SLC4A5: variants seen among roughly 807,000 people sequenced by gnomAD.
SLC4A5 encodes electrogenic sodium bicarbonate cotransporter 4.
Under a neutral mutation model 120.4 loss-of-function variants are expected in SLC4A5, and 96 were observed. The observed-to-expected ratio is 0.80, with a 90% CI of 0.68 to 0.94. The LOEUF is 0.94. SLC4A5 is among the 40% of genes least tolerant of loss of function. The pLI is 0.00. For missense variants in SLC4A5, 1,259 were observed against 1,459.5 expected (o/e 0.86, Z 2.24); for synonymous variants, 550 against 571.1 (o/e 0.96, Z 0.53).
At chr2:74,254,234 C>T (rs1398929101) in intron 14 of SLC4A5, among the ~76,000 whole-genome samples, 1 of 152,136 alleles carries the variant, frequency 6.6e-6, no homozygotes, top group Admixed American at 6.5e-5. Flanking sequence ...TACACTGAGC[C>T]TATATCAAAC....
intron 7 of SLC4A5, among the ~76,000 whole-genome samples, chr2:74,299,782 G>A (rs1672425263): frequency 6.6e-6 from 1 of 152,118 alleles, no homozygotes; most frequent in Non-Finnish European, 1.5e-5. Context: ...AATGTAAATT[G>A]GTACAGCCAT....
intron 6 of SLC4A5, among the ~76,000 whole-genome samples, chr2:74,313,970 T>C (rs890495813): frequency 3.3e-5 from 5 of 152,104 alleles, no homozygotes; most frequent in African/African-American, 7.2e-5. Flanking sequence ...GGTGAACTCA[T>C]CTGTAATGTG....
rs567658198 is a variant in SLC4A5, at chr2:74,221,062, C to G, written c.*33+372G>C. On this transcript the variant is annotated intron_variant, in intron 30 of 30. Transcript: ENST00000394019. Reference sequence around the variant, plus strand: ...GTTTCACCATGTTAGCCAGGATGGTCTCGATCTCCTGACCTCGTGATCCAC... The same window carrying G: ...GTTTCACCATGTTAGCCAGGATGGTGTCGATCTCCTGACCTCGTGATCCAC... 8.1e-4 allele frequency among the ~76,000 whole-genome samples: 123 copies of G among 152,020 alleles called. 1 individual carries two copies. The highest frequency in any genetic ancestry group is 1.0e-3 in the Non-Finnish European group (70 of 68,008).
At chr2:74,252,500 A>C in intron 15 of SLC4A5, 112 bp from the exon 16 acceptor site, 1 of 1,269,888 alleles carries the variant, frequency 7.9e-7, no homozygotes, top group Non-Finnish European at 1.1e-6. Flanking sequence ...AAATTGTCTA[A>C]CAATATCCAC....
intron 7 of SLC4A5, among the ~76,000 whole-genome samples, chr2:74,304,073 T>C (rs1046201581): frequency 5.9e-5 from 9 of 152,092 alleles, no homozygotes; most frequent in Admixed American, 6.5e-5. Context: ...ATGGTCTCGA[T>C]CTCCTGACCT....
At position 74,255,231 on chromosome 2, in the gene SLC4A5, C is replaced by A. The variant is rs958165830; in HGVS notation, c.1026-525G>T. On this transcript the variant is annotated intron_variant, in intron 13 of 30. Coordinates refer to ENST00000394019, the Ensembl canonical transcript of SLC4A5. The surrounding 1 kb of genome is among the most constrained non-coding windows in gnomAD (Gnocchi z 4.0). The stretch of plus-strand genomic sequence containing the variant: ...CTTGAGCATCCTCACCTTTGTCTTG[C>A]TGCCCAAGCTTACCTGACAACTTCT... Among the ~76,000 whole-genome samples the A allele has an allele frequency of 5.3e-5, 8 of 152,200 alleles. No homozygotes were observed. The highest frequency in any genetic ancestry group is 1.2e-4 in the African/African-American group (5 of 41,454).
chr2:74,330,721 G>A (rs1673338372), intron 4 of SLC4A5, among the ~76,000 whole-genome samples: 1 of 151,186 alleles, frequency 6.6e-6, no homozygotes, highest in African/African-American at 2.4e-5. Context: ...AGGGTGGTGA[G>A]GTCTAGATGG....
At chr2:74,334,414 C>A (rs1673435528) in intron 3 of SLC4A5, among the ~76,000 whole-genome samples, 1 of 152,186 alleles carries the variant, frequency 6.6e-6, no homozygotes, top group African/African-American at 2.4e-5. Flanking sequence ...CTTACTGTTT[C>A]CCTAATCTTC....
At chr2:74,275,524 C>T (rs1035620770) in intron 8 of SLC4A5, among the ~76,000 whole-genome samples, 27 of 152,150 alleles carry the variant, frequency 1.8e-4, no homozygotes, top group African/African-American at 6.3e-4. Flanking sequence ...TCAGGAGAGG[C>T]CCTCTCCTCA....
chr2:74,314,067 G>A (rs1026930831), intron 6 of SLC4A5, among the ~76,000 whole-genome samples: 1 of 152,104 alleles, frequency 6.6e-6, no homozygotes, highest in South Asian at 2.1e-4. Flanking sequence ...AAATTGTAAG[G>A]GACTATACAC....
chr2:74,242,875 A>C (rs1470702124), intron 19 of SLC4A5, among the ~76,000 whole-genome samples: 3 of 152,134 alleles, frequency 2.0e-5, no homozygotes, highest in African/African-American at 7.2e-5. Context: ...GCTGGTCTTG[A>C]ACTCCTGACC....
At chr2:74,265,262 C>G in exon 9 of SLC4A5, 2 of 1,613,766 alleles carry the variant, frequency 1.2e-6, no homozygotes, top group Non-Finnish European at 1.7e-6. Flanking sequence ...AAACTTTATC[C>G]ACCTGGAAGG....
chr2:74,285,748 C>T, intron 8 of SLC4A5, 25 bp downstream of exon 8: 2 of 1,605,398 alleles, frequency 1.2e-6, no homozygotes, highest in Non-Finnish European at 8.5e-7. Flanking sequence ...GAAGTGCCCA[C>T]CTCCCTCGTG....
At chr2:74,303,411 C>T (rs1477643194) in intron 7 of SLC4A5, among the ~76,000 whole-genome samples, 1 of 152,100 alleles carries the variant, frequency 6.6e-6, no homozygotes. Context: ...ACCAACTTTT[C>T]CACACTCAAG....
At chr2:74,321,638 T>C (rs1261697778) in intron 5 of SLC4A5, among the ~76,000 whole-genome samples, 1 of 152,046 alleles carries the variant, frequency 6.6e-6, no homozygotes, top group Admixed American at 6.5e-5. Context: ...AAAATAATAT[T>C]GAGTCTGTCA....
intron 20 of SLC4A5, among the ~76,000 whole-genome samples, chr2:74,241,436 C>A (rs1353602318): frequency 6.6e-6 from 1 of 151,396 alleles, no homozygotes; most frequent in Non-Finnish European, 1.5e-5. Context: ...CAGCTCGTAT[C>A]ATATTATTAA....
intron 12 of SLC4A5, among the ~76,000 whole-genome samples, chr2:74,256,766 G>T (rs1670977346): frequency 6.6e-6 from 1 of 152,190 alleles, no homozygotes; most frequent in Non-Finnish European, 1.5e-5. Context: ...GTCTTAGAAT[G>T]AATTCCTTTT....
intron 8 of SLC4A5, among the ~76,000 whole-genome samples, chr2:74,270,671 TCAAAA>T (rs573269084): frequency 2.6e-5 from 4 of 152,220 alleles, no homozygotes; most frequent in Admixed American, 1.3e-4. Context: ...AGACTCCGTC[TCAAAA>T]CAAAACAAAA....
chr2:74,234,440 G>A (rs1204562453), intron 22 of SLC4A5, among the ~76,000 whole-genome samples: 1 of 152,182 alleles, frequency 6.6e-6, no homozygotes, highest in Non-Finnish European at 1.5e-5. Context: ...GCCTCCCAAA[G>A]TTCTGGGATT....
Sources: gnomAD v4.1 joint callset for allele counts (sites outside exome capture counted in the v4.1 genomes callset) on GRCh38, gnomAD v4.1.1 for gene constraint, Gnocchi (gnomAD v3.1) non-coding constraint, MANE v1.5 for transcripts, NCBI Gene and HGNC (gene_info 2026-07-23, HGNC 2026-07-21) for gene names.